FHIT: variants seen among roughly 807,000 people sequenced by gnomAD.
FHIT encodes fragile histidine triad diadenosine triphosphatase, also known as bis(5'-adenosyl)-triphosphatase.
FHIT carries 19 observed loss-of-function variants against 17.9 expected under a neutral mutation model. The observed-to-expected ratio is 1.06, with a 90% CI of 0.74 to 1.56. The LOEUF (loss-of-function observed/expected upper bound fraction) is 1.56. Among genes scored for constraint, FHIT ranks in the 40% most tolerant of loss-of-function variants. The pLI is 0.00. For missense variants in FHIT, 248 were observed against 189.2 expected, an observed-to-expected ratio of 1.31 and a Z score of -1.82; for synonymous variants, 81 against 69.7, an observed-to-expected ratio of 1.16 and a Z score of -0.81.
At chr3:59,828,773 AGTTT>A (rs1284542149) in intron 8 of FHIT, among the ~76,000 whole-genome samples, 2 of 151,624 alleles carry the variant, frequency 1.3e-5, no homozygotes, top group African/African-American at 4.8e-5. Context: ...ACAAGTACAC[AGTTT>A]GTTAAGTTTT....
chr3:60,266,749 G>C (rs1706596111), intron 5 of FHIT, among the ~76,000 whole-genome samples: 1 of 152,016 alleles, frequency 6.6e-6, no homozygotes, highest in South Asian at 2.1e-4. Context: ...AGCAAAATGA[G>C]AGAGCAGGGC....
chr3:61,107,448 T>C (rs566391157), intron 2 of FHIT, among the ~76,000 whole-genome samples: 5 of 152,196 alleles, frequency 3.3e-5, no homozygotes, highest in Non-Finnish European at 5.9e-5. Context: ...AGTGCAGATA[T>C]CCTTAGAAGA....
intron 4 of FHIT, among the ~76,000 whole-genome samples, chr3:60,753,284 AGTTATGGATTAG>A (rs149018595): frequency 0.047 from 7,204 of 152,296 alleles, 220 homozygotes; most frequent in Middle Eastern, 0.078. Flanking sequence ...GGAGTTAGGG[AGTTATGGATTAG>A]GTTCCAATCC....
At chr3:60,411,642 T>C (rs747290592) in intron 5 of FHIT, among the ~76,000 whole-genome samples, 37 of 152,198 alleles carry the variant, frequency 2.4e-4, no homozygotes, top group Non-Finnish European at 4.4e-4. Flanking sequence ...TGTTGGTCTA[T>C]TTTGTGATTG....
intron 2 of FHIT, among the ~76,000 whole-genome samples, chr3:61,042,458 T>G (rs1372072400): frequency 2.6e-5 from 4 of 152,166 alleles, no homozygotes; most frequent in African/African-American, 9.7e-5. Context: ...GGCCATGAGC[T>G]GATTATTTTT....
At chr3:60,648,862 A>G (rs1328896373) in intron 4 of FHIT, among the ~76,000 whole-genome samples, 1 of 152,154 alleles carries the variant, frequency 6.6e-6, no homozygotes, top group Non-Finnish European at 1.5e-5. Context: ...TTCAATTGGA[A>G]ACATCTGAGG....
intron 5 of FHIT, among the ~76,000 whole-genome samples, chr3:60,124,011 G>T (rs866336660): frequency 0.01 from 350 of 34,546 alleles, no homozygotes; most frequent in East Asian, 0.016. Context: ...TATATATATA[G>T]AGAGAGAGAG....
At chr3:60,228,820 G>A (rs1412237600) in intron 5 of FHIT, among the ~76,000 whole-genome samples, 1 of 152,140 alleles carries the variant, frequency 6.6e-6, no homozygotes, top group South Asian at 2.1e-4. Flanking sequence ...CAGAATGAAG[G>A]GGACTGGTTC....
chr3:60,578,592 C>A lies in FHIT; in HGVS notation c.-17-41613G>T, dbSNP rs2037650911. Among the ~76,000 whole-genome samples the A allele has an allele frequency of 2.0e-5, 3 of 152,046 alleles. No homozygotes were observed. In the South Asian group the frequency reaches 6.2e-4, roughly 31 times the overall value. On this transcript the variant is annotated intron_variant, in intron 4 of 9. Coordinates refer to ENST00000492590, the MANE Select transcript of FHIT (RefSeq NM_002012.4). Reference sequence around the variant, plus strand: ...TTCATTTGCTAGAAATTAACCAATTCAGCTTATATCATATGTGGCACAAGG... The same window carrying A: ...TTCATTTGCTAGAAATTAACCAATTAAGCTTATATCATATGTGGCACAAGG...
intron 3 of FHIT, among the ~76,000 whole-genome samples, chr3:60,869,526 CT>C (rs1181693770): frequency 6.6e-6 from 1 of 152,166 alleles, no homozygotes; most frequent in Admixed American, 6.5e-5. Flanking sequence ...CAAGGAATGA[CT>C]GCATATCTCT....
intron 4 of FHIT, among the ~76,000 whole-genome samples, chr3:60,571,796 C>T (rs536484256): frequency 2.0e-4 from 30 of 152,202 alleles, no homozygotes; most frequent in African/African-American, 7.2e-4. Flanking sequence ...CAGAACAGAT[C>T]CAAAAGCAAG....
At chr3:61,182,320 A>G (rs552998237) in intron 2 of FHIT, among the ~76,000 whole-genome samples, 2 of 152,364 alleles carry the variant, frequency 1.3e-5, no homozygotes, top group Admixed American at 6.5e-5. Context: ...TCAGTTATTT[A>G]CATACTCCTT....
chr3:59,948,573 C>T (rs1453099018), intron 7 of FHIT, among the ~76,000 whole-genome samples: 1 of 151,526 alleles, frequency 6.6e-6, no homozygotes, highest in East Asian at 1.9e-4. Flanking sequence ...TCACTATTTT[C>T]CAGAGTAGTA....
intron 2 of FHIT, among the ~76,000 whole-genome samples, chr3:61,073,688 T>G (rs2034880309): frequency 6.6e-6 from 1 of 152,186 alleles, no homozygotes; most frequent in South Asian, 2.1e-4. Flanking sequence ...TTGCTAGCCA[T>G]CCCAGAATGT....
At chr3:60,467,614 G>A (rs2032870784) in intron 5 of FHIT, among the ~76,000 whole-genome samples, 1 of 151,758 alleles carries the variant, frequency 6.6e-6, no homozygotes, top group African/African-American at 2.4e-5. Flanking sequence ...TAATTTCCAT[G>A]TGTTTGTATA....
At chr3:61,021,871 T>C (rs1206101462) in intron 3 of FHIT, among the ~76,000 whole-genome samples, 1 of 152,088 alleles carries the variant, frequency 6.6e-6, no homozygotes, top group Non-Finnish European at 1.5e-5. Flanking sequence ...TGTATAGCAC[T>C]AAATGCTCAC....
intron 5 of FHIT, among the ~76,000 whole-genome samples, chr3:60,306,382 A>T (rs1028943040): frequency 6.6e-6 from 1 of 152,204 alleles, no homozygotes; most frequent in African/African-American, 2.4e-5. Flanking sequence ...GTAAAAGAGA[A>T]AACAAATTTG....
At chr3:59,750,008 A>G in intron 9 of FHIT, 1 of 223,090 alleles carries the variant, frequency 4.5e-6, no homozygotes, top group East Asian at 6.5e-5. Context: ...AAAGAGAAAT[A>G]CACATGTTAG....
At chr3:60,893,508 T>C (rs1469700155) in intron 3 of FHIT, among the ~76,000 whole-genome samples, 1 of 152,192 alleles carries the variant, frequency 6.6e-6, no homozygotes, top group African/African-American at 2.4e-5. Flanking sequence ...TTCCAATTAT[T>C]ATGTAGCCAA....
Sources: allele counts gnomAD v4.1 joint callset (sites outside exome capture counted in the v4.1 genomes callset), GRCh38; gene constraint gnomAD v4.1.1; transcripts MANE v1.5; gene names NCBI Gene and HGNC (gene_info 2026-07-23, HGNC 2026-07-21).